ZC3H12B: variants seen among roughly 807,000 people sequenced by gnomAD.
ZC3H12B encodes the protein probable ribonuclease ZC3H12B.
In ZC3H12B, 7 loss-of-function variants were observed where a neutral mutation model predicts 43.9. The ratio of observed to expected loss-of-function variants is 0.16; its 90% CI spans 0.09 to 0.30. The LOEUF (loss-of-function observed/expected upper bound fraction) is 0.30, where lower values mean the gene tolerates loss of function less well. Among genes scored for constraint, ZC3H12B ranks in the 10% least tolerant of loss-of-function variants. The pLI is 1.00. For missense variants in ZC3H12B, 475 were observed against 670.2 expected, an observed-to-expected ratio of 0.71 and a Z score of 3.22; for synonymous variants, 222 against 241.7, an observed-to-expected ratio of 0.92 and a Z score of 0.76.
the ZC3H12B span, among the ~76,000 whole-genome samples, chrX:65,274,090 T>C: frequency 8.9e-6 from 1 of 111,873 alleles, no homozygotes; most frequent in Non-Finnish European, 1.9e-5. Flanking sequence ...TCTCCCCCAC[T>C]CAGACTGGAT....
At chrX:65,454,748 C>T (rs960405416) in intron 3 of ZC3H12B, among the ~76,000 whole-genome samples, 5 of 111,314 alleles carry the variant, frequency 4.5e-5, no homozygotes, top group Non-Finnish European at 9.4e-5. Flanking sequence ...AGACTGACAC[C>T]TCACATGGCC....
At chrX:65,317,265 A>T in the ZC3H12B span, among the ~76,000 whole-genome samples, 1 of 110,799 alleles carries the variant, frequency 9.0e-6, no homozygotes, top group South Asian at 3.8e-4. Context: ...TAAAAAAAAA[A>T]AACAAATCAT....
chrX:65,430,173 G>A (rs1465621156), intron 3 of ZC3H12B, among the ~76,000 whole-genome samples: 1 of 111,353 alleles, frequency 9.0e-6, no homozygotes, highest in Admixed American at 9.5e-5. Context: ...AAGCTCATGG[G>A]TCTCTGTGTG....
the ZC3H12B span, among the ~76,000 whole-genome samples, chrX:65,057,770 C>T: frequency 1.8e-5 from 2 of 111,609 alleles, no homozygotes; most frequent in South Asian, 3.8e-4. Flanking sequence ...TTCTTGGAGG[C>T]TTTGTTCATT....
the ZC3H12B span, among the ~76,000 whole-genome samples, chrX:65,137,962 G>T: frequency 8.9e-6 from 1 of 111,749 alleles, no homozygotes; most frequent in Admixed American, 9.5e-5. Flanking sequence ...CCGAGTAGCT[G>T]GGATTGCAGG....
At chrX:65,092,318 A>T in the ZC3H12B span, among the ~76,000 whole-genome samples, 1 of 111,946 alleles carries the variant, frequency 8.9e-6, no homozygotes, top group Non-Finnish European at 1.9e-5. Context: ...GGCACAGAGA[A>T]GTGGGGCATT....
the ZC3H12B span, among the ~76,000 whole-genome samples, chrX:65,091,503 G>A: frequency 2.7e-5 from 3 of 112,060 alleles, no homozygotes; most frequent in African/African-American, 3.2e-5. Flanking sequence ...GTTATTTTTA[G>A]CCTATTATTC....
At chrX:65,332,471 C>A in the ZC3H12B span, among the ~76,000 whole-genome samples, 1 of 111,622 alleles carries the variant, frequency 9.0e-6, no homozygotes, top group African/African-American at 3.2e-5. Context: ...GCAAAATAAG[C>A]AAAATCATCC....
At chrX:65,066,257 G>T in the ZC3H12B span, among the ~76,000 whole-genome samples, 2 of 111,329 alleles carry the variant, frequency 1.8e-5, no homozygotes, top group African/African-American at 3.3e-5. Context: ...TTTTGCACTG[G>T]TTTTTCCTTA....
At chrX:65,331,552 GTTTATTTA>G in the ZC3H12B span, among the ~76,000 whole-genome samples, 2,151 of 103,720 alleles carry the variant, frequency 0.021, 62 homozygotes, top group African/African-American at 0.076. Flanking sequence ...TAAGTTTAAT[GTTTATTTA>G]TTTATTTATT....
the ZC3H12B span, among the ~76,000 whole-genome samples, chrX:65,355,894 G>A: frequency 1.8e-5 from 2 of 111,791 alleles, no homozygotes; most frequent in African/African-American, 6.5e-5. Context: ...GGCAGAAGTT[G>A]CAGTGAGCTG....
At chrX:65,329,570 A>T in the ZC3H12B span, among the ~76,000 whole-genome samples, 2 of 104,693 alleles carry the variant, frequency 1.9e-5, no homozygotes, top group Admixed American at 9.7e-5. Context: ...CTCATTTGTC[A>T]ATTTTGTCTT....
the ZC3H12B span, among the ~76,000 whole-genome samples, chrX:65,155,763 T>C: frequency 9.0e-6 from 1 of 110,564 alleles, no homozygotes; most frequent in Non-Finnish European, 1.9e-5. Context: ...GGGAGGTTGA[T>C]GTGGGAAGAT....
the ZC3H12B span, among the ~76,000 whole-genome samples, chrX:65,249,572 T>A: frequency 8.9e-6 from 1 of 111,772 alleles, no homozygotes; most frequent in East Asian, 2.8e-4. Flanking sequence ...CATTTTATAA[T>A]TTTTTCTAAG....
chrX:65,192,192 A>G, the ZC3H12B span, among the ~76,000 whole-genome samples: 1 of 109,819 alleles, frequency 9.1e-6, no homozygotes, highest in Non-Finnish European at 1.9e-5. Context: ...CTGTTCTTTT[A>G]CATTTGCTGA....
chrX:65,039,813 G>A, the ZC3H12B span, among the ~76,000 whole-genome samples: 1 of 111,443 alleles, frequency 9.0e-6, no homozygotes, highest in Non-Finnish European at 1.9e-5. Context: ...GAGTCACTAG[G>A]TTTTTATTTC....
chrX:65,248,050 A>AT, the ZC3H12B span, among the ~76,000 whole-genome samples: 5 of 104,362 alleles, frequency 4.8e-5, no homozygotes, highest in East Asian at 2.9e-4. Context: ...CACGAAAAAA[A>AT]TTTTTTTTTT....
chrX:65,409,140 GTAATT>G (rs774595339), intron 3 of ZC3H12B, among the ~76,000 whole-genome samples: 5 of 110,777 alleles, frequency 4.5e-5, no homozygotes, highest in Non-Finnish European at 9.4e-5. Context: ...TTGAAGAAAA[GTAATT>G]TATTCTGTCA....
chrX:65,175,051 T>C, the ZC3H12B span, among the ~76,000 whole-genome samples: 1 of 112,413 alleles, frequency 8.9e-6, no homozygotes, highest in South Asian at 3.7e-4. Flanking sequence ...CTTCTGGTCT[T>C]GGGTTTGCAA....
Sources: allele counts gnomAD v4.1 joint callset (sites outside exome capture counted in the v4.1 genomes callset), GRCh38; gene constraint gnomAD v4.1.1; transcripts MANE v1.5; gene names NCBI Gene and HGNC (gene_info 2026-07-23, HGNC 2026-07-21).